The following SCAPER variants were observed in gnomAD, a reference collection of about 807,000 sequenced individuals.
The protein encoded by SCAPER is S phase cyclin A-associated protein in the endoplasmic reticulum.
A neutral mutation model predicts 182.2 loss-of-function variants in SCAPER; 98 were observed. The observed-to-expected ratio is 0.54, with a 90% CI of 0.46 to 0.64. SCAPER has a LOEUF of 0.64. SCAPER is among the 30% of genes least tolerant of loss of function. SCAPER has a pLI of 0.00. For synonymous variants in SCAPER, 605 were observed against 564.6 expected (o/e 1.07, Z -1.01); for missense variants, 1,432 against 1,690.0 (o/e 0.85, Z 2.68).
chr15:76,486,164 G>A (rs1044690234), intron 24 of SCAPER, among the ~76,000 whole-genome samples: 1 of 151,938 alleles, frequency 6.6e-6, no homozygotes, highest in Non-Finnish European at 1.5e-5. Context: ...CCGAGATCAC[G>A]CCACTGCACT....
chr15:76,898,951 A>C (rs145377979), intron 1 of SCAPER, among the ~76,000 whole-genome samples: 10 of 152,366 alleles, frequency 6.6e-5, no homozygotes, highest in East Asian at 1.9e-4. Flanking sequence ...ATTAAAAAAG[A>C]AAGCAAGCTA....
At chr15:76,750,400 T>G (rs2062021194) in intron 15 of SCAPER, among the ~76,000 whole-genome samples, 1 of 151,754 alleles carries the variant, frequency 6.6e-6, no homozygotes, top group South Asian at 2.1e-4. Context: ...TCCAAACAAT[T>G]GAAGAGGAGG....
chr15:76,561,879 C>T (rs2145159007), intron 23 of SCAPER, among the ~76,000 whole-genome samples: 1 of 149,226 alleles, frequency 6.7e-6, no homozygotes, highest in South Asian at 2.1e-4. Context: ...TGCGGGGTGG[C>T]TCAGGCCTGT....
chr15:76,842,298 T>C (rs778967297), intron 4 of SCAPER, among the ~76,000 whole-genome samples: 30 of 152,188 alleles, frequency 2.0e-4, no homozygotes, highest in Admixed American at 7.9e-4. Flanking sequence ...AATCTCATCT[T>C]GAATTATAAT....
chr15:76,781,919 A>C (rs1202454285), intron 8 of SCAPER, among the ~76,000 whole-genome samples: 1 of 152,246 alleles, frequency 6.6e-6, no homozygotes, highest in Non-Finnish European at 1.5e-5. Context: ...AACCAGTACC[A>C]GCCACTGCAA....
chr15:76,460,130 A>T (rs1351086851), intron 25 of SCAPER, among the ~76,000 whole-genome samples: 3 of 151,954 alleles, frequency 2.0e-5, no homozygotes, highest in African/African-American at 7.2e-5. Context: ...GTGTTTTGAT[A>T]GGGATTGCAC....
chr15:76,351,208 C>T (rs749511961), intron 31 of SCAPER, 29 bp downstream of exon 31: 1 of 1,587,912 alleles, frequency 6.3e-7, no homozygotes, highest in Non-Finnish European at 8.6e-7. Flanking sequence ...CTAACAAACA[C>T]ATGAAATTTA....
chr15:76,858,217 T>C (rs144096904), intron 3 of SCAPER, among the ~76,000 whole-genome samples: 1 of 152,352 alleles, frequency 6.6e-6, no homozygotes, highest in Non-Finnish European at 1.5e-5. Context: ...CCTCAACTTG[T>C]ATATAAATCT....
At chr15:76,535,454 G>A (rs1024350284) in intron 23 of SCAPER, among the ~76,000 whole-genome samples, 2 of 148,230 alleles carry the variant, frequency 1.3e-5, no homozygotes, top group Non-Finnish European at 3.0e-5. Context: ...CCCAGGAGGC[G>A]GAGGTTGCAG....
At chr15:76,737,748 G>C (rs1385342667) in intron 15 of SCAPER, among the ~76,000 whole-genome samples, 1 of 152,194 alleles carries the variant, frequency 6.6e-6, no homozygotes, top group African/African-American at 2.4e-5. Context: ...ATCTTAGCTA[G>C]ATCTTCCTTC....
intron 21 of SCAPER, among the ~76,000 whole-genome samples, chr15:76,627,932 C>T (rs2052737974): frequency 6.6e-6 from 1 of 152,146 alleles, no homozygotes; most frequent in South Asian, 2.1e-4. Context: ...CCTATTTCTC[C>T]ACAACCTCAC....
At chr15:76,756,737 AAAC>A (rs760571869) in intron 14 of SCAPER, among the ~76,000 whole-genome samples, 3 of 152,222 alleles carry the variant, frequency 2.0e-5, no homozygotes, top group Non-Finnish European at 4.4e-5. Flanking sequence ...ACTGTATATT[AAAC>A]AACATCCAAC....
intron 20 of SCAPER, among the ~76,000 whole-genome samples, chr15:76,698,274 G>C (rs1377208312): frequency 1.3e-5 from 2 of 151,614 alleles, no homozygotes; most frequent in African/African-American, 4.9e-5. Context: ...TGATACCTTC[G>C]AGCCACTCTG....
At chr15:76,826,110 A>T (rs1032281287) in intron 5 of SCAPER, among the ~76,000 whole-genome samples, 4 of 152,126 alleles carry the variant, frequency 2.6e-5, no homozygotes, top group African/African-American at 9.7e-5. Context: ...TCAAATAGTT[A>T]AAAAAATTTT....
chr15:76,500,804 C>T (rs1217718023), intron 24 of SCAPER, among the ~76,000 whole-genome samples: 2 of 151,912 alleles, frequency 1.3e-5, no homozygotes, highest in African/African-American at 4.8e-5. Context: ...GTTGGGGAGG[C>T]CAAGGTGGGA....
chr15:76,455,420 C>T (rs284901), intron 25 of SCAPER, among the ~76,000 whole-genome samples: 15,384 of 152,104 alleles, frequency 0.1, 916 homozygotes, highest in African/African-American at 0.17. Context: ...ATATTCAGAA[C>T]GCACTAATTG....
At chr15:76,568,645 A>G (rs1259804990) in intron 23 of SCAPER, among the ~76,000 whole-genome samples, 1 of 151,950 alleles carries the variant, frequency 6.6e-6, no homozygotes, top group Non-Finnish European at 1.5e-5. Flanking sequence ...TTCTTTTTCA[A>G]CAGGGTTTTG....
rs531474925 is a variant in SCAPER, at chr15:76,800,500, A to G, written c.495-136T>C. 11 of 660,486 alleles carry G rather than the reference A, an allele frequency of 1.7e-5. No homozygotes were observed. In the African/African-American group the frequency reaches 2.0e-4, roughly 12 times the overall value. 40.9% of individuals were successfully genotyped at this position (660,486 alleles called of 1,614,324 possible). A position where few individuals can be genotyped will look rare whatever the true frequency, so the allele number is the denominator to read the frequency against. On this transcript the variant is annotated intron_variant, in intron 6 of 31. Coordinates refer to ENST00000563290, the MANE Select transcript of SCAPER (RefSeq NM_020843.4). ...AACAACAAAAAGTCACAACATGTGC[A>G]AATGTTCCCCTAGAGCATTGCTTAC...
chr15:76,500,368 G>GT (rs1421199761), intron 24 of SCAPER, among the ~76,000 whole-genome samples: 1 of 152,192 alleles, frequency 6.6e-6, no homozygotes, highest in Non-Finnish European at 1.5e-5. Context: ...TGGTCCTTGT[G>GT]TAACTATCAG....
Sources: allele counts gnomAD v4.1 joint callset (sites outside exome capture counted in the v4.1 genomes callset), GRCh38; gene constraint gnomAD v4.1.1; transcripts MANE v1.5; gene names NCBI Gene and HGNC (gene_info 2026-07-23, HGNC 2026-07-21).